The following DMBT1 variants were observed in gnomAD, a reference collection of about 807,000 sequenced individuals.
DMBT1 encodes scavenger receptor cysteine-rich domain-containing protein DMBT1.
Under a neutral mutation model 252.9 loss-of-function variants are expected in DMBT1, and 198 were observed. The observed-to-expected ratio is 0.78, with a 90% CI of 0.70 to 0.88. The LOEUF is 0.88. Among genes scored for constraint, DMBT1 ranks in the 40% least tolerant of loss-of-function variants. DMBT1 has a pLI of 0.00. For synonymous variants in DMBT1, 990 were observed against 942.7 expected, an observed-to-expected ratio of 1.05 and a Z score of -0.92; for missense variants, 2,432 against 2,404.7, an observed-to-expected ratio of 1.01 and a Z score of -0.24.
intron 2 of DMBT1, among the ~76,000 whole-genome samples, chr10:122,569,128 C>T (rs1468455316): frequency 9.9e-6 from 1 of 100,770 alleles, no homozygotes; most frequent in Non-Finnish European, 2.1e-5. Flanking sequence ...ATAGTGGAGG[C>T]AGGCTTCAGT....
At chr10:122,592,839 G>A (rs1284275725) in intron 20 of DMBT1, among the ~76,000 whole-genome samples, 2 of 148,696 alleles carry the variant, frequency 1.3e-5, no homozygotes, top group African/African-American at 4.9e-5. Context: ...CTGAGGCAGT[G>A]CAAGAAAGAG....
intron 40 of DMBT1, among the ~76,000 whole-genome samples, 196 bp from the exon 41 acceptor site, chr10:122,617,821 C>G (rs1307815289): frequency 6.6e-6 from 1 of 151,574 alleles, no homozygotes; most frequent in Non-Finnish European, 1.5e-5. Flanking sequence ...ATCTGAGCCT[C>G]CATAAACCCA....
At chr10:122,571,855 C>T (rs546671943) in intron 4 of DMBT1, among the ~76,000 whole-genome samples, 24 of 152,340 alleles carry the variant, frequency 1.6e-4, no homozygotes, top group African/African-American at 5.8e-4. Flanking sequence ...TCCATGCAGC[C>T]ACCTTTTTGA....
chr10:122,599,132 G>A (rs1314028914), intron 26 of DMBT1, 35 bp downstream of exon 26: 2 of 1,613,618 alleles, frequency 1.2e-6, no homozygotes, highest in Non-Finnish European at 1.7e-6. Flanking sequence ...ACTCTCTTGG[G>A]GTGGAGTTTG....
At position 122,573,696 on chromosome 10, in the gene DMBT1, T is replaced by A; in HGVS notation, c.236-19T>A. On this transcript the variant is annotated intron_variant, in intron 5 of 55. Transcript: ENST00000338354. ...GCGAGGGCTACGATCAATGAGCTCTTCCTTTCTCCACCCTGCAGGTTCTCT... is the reference window on the plus strand; with the variant it reads ...GCGAGGGCTACGATCAATGAGCTCTACCTTTCTCCACCCTGCAGGTTCTCT... 6.2e-7 allele frequency: 1 copy of A among 1,613,866 alleles called. No individual in the cohort carries two copies. Among genetic ancestry groups the A allele is most frequent in the South Asian group, 1.1e-5 (1 of 91,072 alleles).
At chr10:122,639,477 G>T (rs1488106049) in intron 54 of DMBT1, among the ~76,000 whole-genome samples, 5 of 152,120 alleles carry the variant, frequency 3.3e-5, no homozygotes, top group South Asian at 2.1e-4. Context: ...AGTCAAAGGG[G>T]GTTGTTCTCT....
chr10:122,633,799 A>G (rs1036111423), intron 52 of DMBT1, among the ~76,000 whole-genome samples: 2 of 152,210 alleles, frequency 1.3e-5, no homozygotes, highest in Non-Finnish European at 2.9e-5. Context: ...TTAAGTAGTA[A>G]TGATAGACTT....
chr10:122,591,372 A>C, intron 18 of DMBT1, 107 bp from the exon 19 acceptor site: 1 of 1,289,120 alleles, frequency 7.8e-7, no homozygotes, highest in Non-Finnish European at 1.1e-6. Flanking sequence ...GGCAGGAACT[A>C]GAAATGGAAG....
Position 122,577,776 on chromosome 10 carries a change from G to A in DMBT1, c.608-35G>A. On this transcript the variant is annotated intron_variant, in intron 7 of 55. Coordinates refer to ENST00000338354, the MANE Select transcript of DMBT1 (RefSeq NM_001377530.1). ...TTAACTCTACTTGGAGTCACTGAGT[G>A]TTTGGTGTCTAATGTTGCTATTTTT... 3.1e-6 allele frequency: 5 copies of A among 1,613,282 alleles called. No homozygotes were observed. In the South Asian group the frequency reaches 4.4e-5, roughly 14 times the overall value.
rs763264879 is a variant in DMBT1 at position 122,579,759 on chromosome 10, C to G, written c.861C>G (p.Ala287=). Residue 287 remains alanine, a synonymous_variant, in exon 10 of 56, where the codon GCC becomes GCG. Transcript: ENST00000338354. ...CGWAMSAPGN[A]QFGQGSGPIV... is the part of the protein sequence containing the mutation. ...GGGCCATGTCAGCCCCAGGAAATGC[C>G]CAGTTTGGCCAGGGCTCAGGACCCA... 11 of 1,613,672 alleles carry G rather than the reference C, an allele frequency of 6.8e-6. No homozygotes were observed. The highest frequency in any genetic ancestry group is 9.3e-6 in the Non-Finnish European group (11 of 1,179,772).
intron 41 of DMBT1, among the ~76,000 whole-genome samples, chr10:122,618,852 C>G (rs908062324): frequency 6.6e-6 from 1 of 152,228 alleles, no homozygotes; most frequent in Non-Finnish European, 1.5e-5. Flanking sequence ...GAGTCCTTGA[C>G]CTCAGGTCCT....
chr10:122,599,481 A>G (rs1413626640), intron 26 of DMBT1, among the ~76,000 whole-genome samples: 2 of 152,168 alleles, frequency 1.3e-5, no homozygotes, highest in African/African-American at 4.8e-5. Flanking sequence ...TGAACTAAAG[A>G]TGCTTGTCTG....
At chr10:122,632,715 C>T (rs2098175726) in intron 50 of DMBT1, 146 bp from the exon 51 acceptor site, 1 of 986,576 alleles carries the variant, frequency 1.0e-6, no homozygotes, top group South Asian at 1.5e-5. Flanking sequence ...TCCCCAAAGG[C>T]AAGTGAGCTC....
At chr10:122,629,236 G>A (rs1406038895) in intron 46 of DMBT1, among the ~76,000 whole-genome samples, 3 of 152,174 alleles carry the variant, frequency 2.0e-5, no homozygotes, top group African/African-American at 4.8e-5. Context: ...TCATCAGACA[G>A]ATGAGGCAGA....
At chr10:122,563,004 C>T (rs917305303) in intron 1 of DMBT1, among the ~76,000 whole-genome samples, 2 of 152,216 alleles carry the variant, frequency 1.3e-5, no homozygotes, top group East Asian at 1.9e-4. Context: ...CCTTGCTGCT[C>T]CTTGCAGGGA....
chr10:122,641,219 G>A (rs935216316), intron 55 of DMBT1, among the ~76,000 whole-genome samples: 1 of 152,118 alleles, frequency 6.6e-6, no homozygotes, highest in African/African-American at 2.4e-5. Context: ...CAGCTTCCCT[G>A]GATGACTGCA....
At position 122,640,255 on chromosome 10, in the gene DMBT1, T is replaced by C; in HGVS notation, c.7158T>C (p.Ile2386=). The change falls in exon 55 of 56, where the codon ATT becomes ATC. Residue 2386 remains isoleucine (I), a synonymous_variant. Transcript: ENST00000338354. ...AGTATGGCAATTTTGACGTGAACAT[T>C]TCCTTTTATACTTCCTCATCTTTCT... ...EVQYGNFDVN[I]SFYTSSSFLY... is the part of the protein sequence containing the mutation. The C allele has an allele frequency of 6.2e-7, 1 of 1,614,000 alleles. No individual in the cohort carries two copies. The highest frequency in any genetic ancestry group is 8.5e-7 in the Non-Finnish European group (1 of 1,179,892).
chr10:122,591,570 T>C (rs765303331), intron 19 of DMBT1, 53 bp downstream of exon 19: 2 of 1,513,796 alleles, frequency 1.3e-6, no homozygotes, highest in Non-Finnish European at 1.8e-6. Flanking sequence ...TCTGGACAAA[T>C]GTTTTCTCTG....
intron 53 of DMBT1, 24 bp from the exon 54 acceptor site, chr10:122,637,104 G>A: frequency 6.2e-7 from 1 of 1,608,758 alleles, no homozygotes. Context: ...GTGACTGAGT[G>A]CCTTATCTGT....
Sources: gnomAD v4.1 joint callset for allele counts (sites outside exome capture counted in the v4.1 genomes callset) on GRCh38, gnomAD v4.1.1 for gene constraint, MANE v1.5 for transcripts, NCBI Gene and HGNC (gene_info 2026-07-23, HGNC 2026-07-21) for gene names.